The following CFAP54 variants were observed in gnomAD, a reference collection of about 807,000 sequenced individuals.
CFAP54 encodes cilia- and flagella-associated protein 54.
In CFAP54, 290 loss-of-function variants were observed where a neutral mutation model predicts 370.4. That is an observed-to-expected ratio of 0.78 (90% CI 0.71 to 0.86). CFAP54 has a LOEUF of 0.86. Ranked by LOEUF, CFAP54 falls within the 40% of genes least tolerant of loss-of-function variation. The pLI is 0.00. For missense variants in CFAP54, 3,399 were observed against 3,528.7 expected (o/e 0.96, Z 0.93); for synonymous variants, 1,206 against 1,236.5 (o/e 0.98, Z 0.52).
intron 45 of CFAP54, among the ~76,000 whole-genome samples, chr12:96,697,024 G>T (rs1439044120): frequency 6.6e-6 from 1 of 152,190 alleles, no homozygotes; most frequent in Non-Finnish European, 1.5e-5. Context: ...AGCTGGCCTG[G>T]CTTCACTTTA....
chr12:96,658,279 A>T lies in CFAP54; in HGVS notation c.5393A>T (p.Gln1798Leu). 1.9e-6 allele frequency: 3 copies of T among 1,614,204 alleles called. No individual in the cohort carries two copies. The highest frequency in any genetic ancestry group is 1.7e-6 in the Non-Finnish European group (2 of 1,180,008). Reference sequence around the variant, plus strand: ...CAGCGCCAGCTTCTGCTGAGAATACAGAAGTTCAAGGGCCCAGATATTACC... The same window carrying T: ...CAGCGCCAGCTTCTGCTGAGAATACTGAAGTTCAAGGGCCCAGATATTACC... The part of the protein sequence containing the change: ...YAQRQLLLRI[Q>L]KFKGPDITQQ... The change falls in exon 38 of 68, where the codon CAG becomes CTG. Residue 1798 changes from glutamine (Q) to leucine (L), a missense_variant. By Grantham distance (113) the Gln-to-Leu change is moderately radical (BLOSUM62 -2). This residue lies in a region of CFAP54 where 2,796 missense variants were observed against 2,869.7 expected (regional missense o/e 0.97). Transcript: ENST00000524981.
intron 32 of CFAP54, among the ~76,000 whole-genome samples, chr12:96,641,547 A>G (rs1055812504): frequency 6.6e-6 from 1 of 152,108 alleles, no homozygotes; most frequent in Non-Finnish European, 1.5e-5. Flanking sequence ...AGAACTAGAA[A>G]TACCATTTGA....
chr12:96,746,009 T>G (rs1023189479), intron 55 of CFAP54, among the ~76,000 whole-genome samples: 19 of 152,310 alleles, frequency 1.2e-4, no homozygotes, highest in African/African-American at 4.6e-4. Context: ...GCATGGTTAA[T>G]GACTCCAGCC....
At chr12:96,595,256 C>T (rs1286929191) in intron 25 of CFAP54, among the ~76,000 whole-genome samples, 1 of 151,978 alleles carries the variant, frequency 6.6e-6, no homozygotes, top group African/African-American at 2.4e-5. Context: ...CTGTGAGGAG[C>T]CTTATCTAGG....
At chr12:96,670,306 T>A (rs1184732514) in intron 39 of CFAP54, among the ~76,000 whole-genome samples, 1 of 152,182 alleles carries the variant, frequency 6.6e-6, no homozygotes, top group Admixed American at 6.5e-5. Context: ...AATAAAAGAA[T>A]TATAATTATG....
chr12:96,826,820 TATATTATATAATATATCATATA>T (rs1318303953), intron 65 of CFAP54, among the ~76,000 whole-genome samples: 7 of 113,504 alleles, frequency 6.2e-5, no homozygotes, highest in Non-Finnish European at 8.1e-5. Context: ...TACATATTAA[TATATTATATAATATATCATATA>T]ATATTATATA....
At chr12:96,631,711 GCATATAT>G (rs1273170408) in intron 32 of CFAP54, among the ~76,000 whole-genome samples, 1 of 148,322 alleles carries the variant, frequency 6.7e-6, no homozygotes, top group Non-Finnish European at 1.5e-5. Context: ...TATATATTAT[GCATATAT>G]CATATAATAT....
At chr12:96,530,427 T>C (rs1313760478) in intron 9 of CFAP54, among the ~76,000 whole-genome samples, 1 of 152,158 alleles carries the variant, frequency 6.6e-6, no homozygotes, top group East Asian at 1.9e-4. Flanking sequence ...GAGTCAGAGG[T>C]TGCAGTGAAT....
At chr12:96,714,449 A>G (rs1195466288) in intron 48 of CFAP54, among the ~76,000 whole-genome samples, 3 of 152,208 alleles carry the variant, frequency 2.0e-5, no homozygotes, top group Admixed American at 6.5e-5. Context: ...CGTCATCTCC[A>G]TGGCAATGAG....
At chr12:96,714,681 A>C (rs768613091) in intron 48 of CFAP54, among the ~76,000 whole-genome samples, 5 of 152,150 alleles carry the variant, frequency 3.3e-5, no homozygotes, top group Non-Finnish European at 7.4e-5. Context: ...ACTTTGTTGA[A>C]CTAACCCTTA....
intron 64 of CFAP54, among the ~76,000 whole-genome samples, chr12:96,817,348 G>A (rs1390701735): frequency 6.6e-6 from 1 of 152,038 alleles, no homozygotes; most frequent in East Asian, 1.9e-4. Flanking sequence ...ATGATGCTTG[G>A]CGATATCAGA....
chr12:96,782,520 T>C (rs995094567), intron 60 of CFAP54, among the ~76,000 whole-genome samples: 2 of 152,160 alleles, frequency 1.3e-5, no homozygotes, highest in African/African-American at 4.8e-5. Flanking sequence ...GTTATTACAG[T>C]AGCTACAAAA....
intron 59 of CFAP54, 115 bp downstream of exon 59, chr12:96,764,364 T>C: frequency 1.4e-6 from 1 of 697,634 alleles, no homozygotes; most frequent in Non-Finnish European, 2.2e-6. Flanking sequence ...ACCTCATGCC[T>C]GTTATCCCAG....
intron 24 of CFAP54, 129 bp from the exon 25 acceptor site, chr12:96,594,162 G>T (rs1956152247): frequency 5.1e-6 from 3 of 589,628 alleles, no homozygotes; most frequent in East Asian, 2.9e-5. Context: ...TCTGAATTTA[G>T]ATTTTTTAAA....
rs1452150420 is a variant in CFAP54, at chr12:96,501,085, C to T, written c.423+146C>T. ...TGAGTACATAAAAATTTTAATAAGGCACAGTAACCAAAAAAGTGTTGCTTT... is the reference window on the plus strand; with the variant it reads ...TGAGTACATAAAAATTTTAATAAGGTACAGTAACCAAAAAAGTGTTGCTTT... On this transcript the variant is annotated intron_variant, in intron 2 of 67. Coordinates refer to ENST00000524981, the MANE Select transcript of CFAP54 (RefSeq NM_001306084.2). 5.9e-6 allele frequency: 3 copies of T among 504,384 alleles called. No homozygotes were observed. In the Admixed American group the frequency reaches 1.1e-4, roughly 19 times the overall value. The allele number at this position is 504,384 out of a possible 1,614,324, so 31.2% of individuals were successfully genotyped here. A position where few individuals can be genotyped will look rare whatever the true frequency, so the allele number is the denominator to read the frequency against.
rs994258511 is a variant in CFAP54, at chr12:96,623,847, G to T, written c.3852G>T (p.Leu1284Phe). Residue 1284 changes from leucine (L) to phenylalanine (F), a missense_variant, in exon 28 of 68, where the codon TTG becomes TTT. Physicochemically the swap from Leu to Phe is conservative, Grantham distance 22 (BLOSUM62 0). Transcript: ENST00000524981. ...AAAAGATAAATGAACAGCTGGCCTT[G>T]TTGGAGACACACCTACTCAAACTGA... The part of the protein sequence containing the change: ...LPEKINEQLA[L>F]LETHLLKLTK... The T allele has an allele frequency of 2.0e-5, 31 of 1,535,378 alleles. No individual in the cohort carries two copies. The highest frequency in any genetic ancestry group is 2.4e-5 in the Non-Finnish European group (28 of 1,146,490).
In CFAP54 at chr12:96,766,275, G is replaced by T. The variant is rs1315345576; in HGVS notation, c.8281+1057G>T. On this transcript the variant is annotated intron_variant, in intron 60 of 67. Coordinates refer to ENST00000524981, the MANE Select transcript of CFAP54 (RefSeq NM_001306084.2). ...AGATTTTTTTTTACGCTGAGGTTTT[G>T]TTTTCTTACTTTTATTTCCTTCGTG... is the stretch of plus-strand genomic sequence containing the variant. 2.0e-5 allele frequency among the ~76,000 whole-genome samples: 3 copies of T among 151,998 alleles called. No individual in the cohort carries two copies. The East Asian group carries it at 5.8e-4, about 29-fold the overall frequency.
rs755289923 is a variant in CFAP54 at position 96,708,590 on chromosome 12, C to CT, written c.6529-12dup. The CT allele has an allele frequency of 7.2e-5, 113 of 1,573,790 alleles. No individual in the cohort carries two copies. In the African/African-American group the frequency reaches 1.5e-3, roughly 20 times the overall value. On this transcript the variant is annotated splice_polypyrimidine_tract_variant and intron_variant, in intron 47 of 67. Transcript: ENST00000524981. ...GTATTTTTCTAATTTGCTCTTTTTC[C>CT]TTTTTTCCATTTTTTAGGCAATTGA...
intron 39 of CFAP54, among the ~76,000 whole-genome samples, chr12:96,678,078 C>T (rs1160717671): frequency 1.3e-5 from 2 of 152,158 alleles, no homozygotes; most frequent in African/African-American, 4.8e-5. Context: ...TGGACTTGAA[C>T]ACCGGTTCTT....
Sources: allele counts gnomAD v4.1 joint callset (sites outside exome capture counted in the v4.1 genomes callset), GRCh38; gene constraint gnomAD v4.1.1; regional missense constraint gnomAD v4.1.1; transcripts MANE v1.5; gene names NCBI Gene and HGNC (gene_info 2026-07-23, HGNC 2026-07-21).